Variants in RIMS2 observed in about 807,000 individuals in gnomAD.
The protein encoded by RIMS2 is regulating synaptic membrane exocytosis 2, also known as regulating synaptic membrane exocytosis protein 2.
A neutral mutation model predicts 174.4 loss-of-function variants in RIMS2; 59 were observed. The ratio of observed to expected loss-of-function variants is 0.34; its 90% CI spans 0.27 to 0.42. The LOEUF is 0.42. Among genes scored for constraint, RIMS2 ranks in the 10% least tolerant of loss-of-function variants. RIMS2 has a pLI of 1.00. For synonymous variants in RIMS2, 606 were observed against 572.5 expected (o/e 1.06, Z -0.84); for missense variants, 1,620 against 1,666.3 (o/e 0.97, Z 0.48).
intron 19 of RIMS2, among the ~76,000 whole-genome samples, chr8:104,033,434 T>C (rs953437588): frequency 7.2e-5 from 11 of 152,060 alleles, no homozygotes; most frequent in African/African-American, 2.7e-4. Context: ...AATACATGAA[T>C]ATGTTTGTGG....
At chr8:103,834,744 C>CTT (rs1216333752) in intron 3 of RIMS2, among the ~76,000 whole-genome samples, 1,555 of 105,078 alleles carry the variant, frequency 0.015, 64 homozygotes, top group African/African-American at 0.051. Flanking sequence ...TTCTTTCTTT[C>CTT]TCTCTCTTTC....
chr8:103,859,726 G>C (rs575804204), intron 3 of RIMS2, among the ~76,000 whole-genome samples: 1 of 151,892 alleles, frequency 6.6e-6, no homozygotes, highest in African/African-American at 2.4e-5. Context: ...TTTACTTTTT[G>C]TTCTTGTATA....
At chr8:103,920,625 T>C in intron 9 of RIMS2, 3 of 457,014 alleles carry the variant, frequency 6.6e-6, no homozygotes, top group Admixed American at 2.4e-5. Context: ...ACATCTCCCA[T>C]TGGATGTCCC....
chr8:103,533,500 T>C (rs1347281566), intron 1 of RIMS2, among the ~76,000 whole-genome samples: 1 of 151,864 alleles, frequency 6.6e-6, no homozygotes, highest in Non-Finnish European at 1.5e-5. Context: ...AAAACATTAA[T>C]TTAGTACAAC....
At chr8:103,509,113 T>C (rs1825212695) in intron 1 of RIMS2, among the ~76,000 whole-genome samples, 1 of 152,008 alleles carries the variant, frequency 6.6e-6, no homozygotes, top group African/African-American at 2.4e-5. Flanking sequence ...TAACTTGGTA[T>C]AATGGGATGG....
chr8:103,963,293 T>C (rs779721696), intron 15 of RIMS2, among the ~76,000 whole-genome samples: 1 of 152,122 alleles, frequency 6.6e-6, no homozygotes, highest in Non-Finnish European at 1.5e-5. Context: ...TTTAAACACA[T>C]AGTATGAGTC....
chr8:103,934,777 A>C (rs2080858829), intron 12 of RIMS2, among the ~76,000 whole-genome samples: 1 of 150,630 alleles, frequency 6.6e-6, no homozygotes, highest in Non-Finnish European at 1.5e-5. Flanking sequence ...GGCTCACTGC[A>C]ACCTCCACCT....
At chr8:103,859,510 G>A in intron 3 of RIMS2, among the ~76,000 whole-genome samples, 1 of 152,094 alleles carries the variant, frequency 6.6e-6, no homozygotes, top group East Asian at 1.9e-4. Context: ...TACTTAAGCA[G>A]TAAAGTTACT....
chr8:103,830,245 A>G (rs1482810361), intron 3 of RIMS2, among the ~76,000 whole-genome samples: 1 of 150,936 alleles, frequency 6.6e-6, no homozygotes, highest in Non-Finnish European at 1.5e-5. Context: ...TGTCTTAATT[A>G]CTCCTTTTCT....
At chr8:103,560,462 T>A (rs1405304484) in intron 1 of RIMS2, among the ~76,000 whole-genome samples, 1 of 152,202 alleles carries the variant, frequency 6.6e-6, no homozygotes, top group Non-Finnish European at 1.5e-5. Flanking sequence ...CTGATAAACA[T>A]GTGCCCTTTA....
At chr8:103,801,110 A>G (rs1268717657) in intron 3 of RIMS2, among the ~76,000 whole-genome samples, 1 of 152,040 alleles carries the variant, frequency 6.6e-6, no homozygotes, top group East Asian at 1.9e-4. Flanking sequence ...TCAGCCTCCC[A>G]AGTAGCTGGG....
At chr8:103,778,313 T>C (rs1054789171) in intron 3 of RIMS2, among the ~76,000 whole-genome samples, 2 of 152,072 alleles carry the variant, frequency 1.3e-5, no homozygotes, top group Non-Finnish European at 2.9e-5. Flanking sequence ...AATAGATTAT[T>C]GTTAACTAGT....
chr8:103,563,123 T>G (rs2091859917), intron 1 of RIMS2, among the ~76,000 whole-genome samples: 1 of 152,222 alleles, frequency 6.6e-6, no homozygotes. Context: ...TGGAGACATT[T>G]TCTCCATTGT....
intron 16 of RIMS2, among the ~76,000 whole-genome samples, chr8:103,979,235 A>G (rs1432461947): frequency 6.6e-6 from 1 of 152,210 alleles, no homozygotes; most frequent in Non-Finnish European, 1.5e-5. Flanking sequence ...AAGGGTATTC[A>G]TCAAAAAATA....
At chr8:103,789,085 C>T (rs1393198910) in intron 3 of RIMS2, among the ~76,000 whole-genome samples, 1 of 152,206 alleles carries the variant, frequency 6.6e-6, no homozygotes, top group African/African-American at 2.4e-5. Context: ...AACTCCCTGA[C>T]CCATTGCGCT....
At chr8:104,017,522 A>G (rs1035135043) in intron 19 of RIMS2, among the ~76,000 whole-genome samples, 1 of 152,112 alleles carries the variant, frequency 6.6e-6, no homozygotes, top group African/African-American at 2.4e-5. Flanking sequence ...ATTTTTCCCT[A>G]ACTTTTATGT....
At chr8:103,642,344 A>G (rs2096247919) in intron 1 of RIMS2, among the ~76,000 whole-genome samples, 1 of 152,126 alleles carries the variant, frequency 6.6e-6, no homozygotes, top group African/African-American at 2.4e-5. Flanking sequence ...ATTATTCACA[A>G]TTCCTTTCTT....
chr8:103,794,830 G>A (rs1034102596), intron 3 of RIMS2, among the ~76,000 whole-genome samples: 5 of 152,098 alleles, frequency 3.3e-5, no homozygotes, highest in Admixed American at 6.6e-5. Context: ...AGACACATGA[G>A]AAAATGCTCA....
At chr8:103,666,970 G>C (rs534934639) in intron 1 of RIMS2, among the ~76,000 whole-genome samples, 48 of 152,252 alleles carry the variant, frequency 3.2e-4, no homozygotes, top group African/African-American at 1.1e-3. Context: ...ATAGATGACT[G>C]TATGCAAACA....
Sources: gnomAD v4.1 joint callset for allele counts (sites outside exome capture counted in the v4.1 genomes callset) on GRCh38, gnomAD v4.1.1 for gene constraint, MANE v1.5 for transcripts, NCBI Gene and HGNC (gene_info 2026-07-23, HGNC 2026-07-21) for gene names.